The following RANBP2 variants were observed in gnomAD, a reference collection of about 807,000 sequenced individuals.
RANBP2 encodes E3 SUMO-protein ligase RanBP2.
In RANBP2, 57 loss-of-function variants were observed where a neutral mutation model predicts 303.6. That is an observed-to-expected ratio of 0.19 (90% CI 0.15 to 0.23). RANBP2 has a LOEUF of 0.23. RANBP2 is among the 10% of genes least tolerant of loss of function. The pLI, the probability that RANBP2 is intolerant of heterozygous loss-of-function variation, is 1.00. For synonymous variants in RANBP2, 1,167 were observed against 1,301.5 expected, an observed-to-expected ratio of 0.90 and a Z score of 2.23; for missense variants, 3,138 against 3,780.8, an observed-to-expected ratio of 0.83 and a Z score of 4.46.
the RANBP2 span, among the ~76,000 whole-genome samples, chr2:109,584,969 GA>G: frequency 6.6e-6 from 1 of 152,090 alleles, no homozygotes; most frequent in Admixed American, 6.5e-5. Context: ...GTGCTAATAA[GA>G]ACAAAATATT....
chr2:108,805,150 C>A, the RANBP2 span: 1 of 406,754 alleles, frequency 2.5e-6, no homozygotes, highest in South Asian at 1.2e-4. Flanking sequence ...TAAAATACTT[C>A]CAAATGTAAA....
the RANBP2 span, among the ~76,000 whole-genome samples, chr2:109,211,194 GGCT>G: frequency 2.0e-5 from 3 of 152,180 alleles, no homozygotes; most frequent in Non-Finnish European, 2.9e-5. Flanking sequence ...AGCAGGTGGG[GGCT>G]GCTCCTTGGC....
the RANBP2 span, among the ~76,000 whole-genome samples, chr2:109,281,688 C>G: frequency 6.6e-6 from 1 of 152,124 alleles, no homozygotes; most frequent in Non-Finnish European, 1.5e-5. Context: ...TTCTTAGATT[C>G]AGGGTAGAGG....
chr2:109,107,167 C>T, the RANBP2 span, among the ~76,000 whole-genome samples: 1 of 151,688 alleles, frequency 6.6e-6, no homozygotes, highest in Non-Finnish European at 1.5e-5. Flanking sequence ...GACTTGAACT[C>T]CTGACCTCAG....
the RANBP2 span, chr2:109,585,270 T>C: frequency 6.2e-7 from 1 of 1,612,552 alleles, no homozygotes; most frequent in Non-Finnish European, 8.5e-7. Flanking sequence ...GTCTTCAAAA[T>C]TAGTATTAAA....
At chr2:108,773,995 A>G (rs1305183041) in intron 23 of RANBP2, among the ~76,000 whole-genome samples, 1 of 152,206 alleles carries the variant, frequency 6.6e-6, no homozygotes, top group African/African-American at 2.4e-5. Context: ...TTTCTATGGT[A>G]AGAAAAGATT....
the RANBP2 span, among the ~76,000 whole-genome samples, chr2:109,008,787 A>C: frequency 6.6e-6 from 1 of 151,760 alleles, no homozygotes; most frequent in Non-Finnish European, 1.5e-5. Context: ...CTGTAGTCCC[A>C]GCTACTCAAG....
In RANBP2 at chr2:108,725,864, A is replaced by AT. The variant is rs539801459; in HGVS notation, c.73-3266dup. 1.6e-4 allele frequency among the ~76,000 whole-genome samples: 25 copies of AT among 151,530 alleles called. No individual in the cohort carries two copies. The East Asian group carries it at 4.7e-3, about 28-fold the overall frequency. On this transcript the variant is annotated intron_variant, in intron 1 of 28. Coordinates refer to ENST00000283195, the MANE Select transcript of RANBP2 (RefSeq NM_006267.5). Reference sequence around the variant, plus strand: ...GGCTTGCTCTGTCGCCAGTGCTGGGATTGCAGGTGTTAGCCTGGCATTGAG... The same window carrying AT: ...GGCTTGCTCTGTCGCCAGTGCTGGGATTTGCAGGTGTTAGCCTGGCATTGAG...
the RANBP2 span, among the ~76,000 whole-genome samples, chr2:109,425,363 G>A: frequency 2.0e-5 from 3 of 151,892 alleles, no homozygotes; most frequent in Non-Finnish European, 2.9e-5. Context: ...TGAAGGTGGC[G>A]ACACTAAACA....
the RANBP2 span, among the ~76,000 whole-genome samples, chr2:109,132,839 G>C: frequency 1.4e-4 from 22 of 152,336 alleles, 1 homozygote; most frequent in South Asian, 2.3e-3. Context: ...AATTGTTTCA[G>C]TGCAGTGGGA....
chr2:108,871,479 A>G, the RANBP2 span, among the ~76,000 whole-genome samples: 3 of 151,782 alleles, frequency 2.0e-5, no homozygotes, highest in Non-Finnish European at 2.9e-5. Context: ...TTGAACCCAG[A>G]GGGAGGAGGC....
the RANBP2 span, among the ~76,000 whole-genome samples, chr2:109,524,931 G>A: frequency 5.3e-5 from 8 of 152,128 alleles, no homozygotes; most frequent in East Asian, 1.2e-3. Flanking sequence ...CCTCCTCGGC[G>A]CAGATCTTCA....
the RANBP2 span, among the ~76,000 whole-genome samples, chr2:109,035,462 C>A: frequency 6.6e-6 from 1 of 151,988 alleles, no homozygotes; most frequent in East Asian, 1.9e-4. Context: ...AGGTGTGAGT[C>A]CTTGGATTTC....
intron 3 of RANBP2, 92 bp from the exon 4 acceptor site, chr2:108,731,230 A>G: frequency 6.6e-7 from 1 of 1,512,882 alleles, no homozygotes; most frequent in Non-Finnish European, 8.8e-7. Flanking sequence ...GGTTGGAGTG[A>G]TAATTTTTTA....
At chr2:108,721,822 G>T (rs57894922) in intron 1 of RANBP2, among the ~76,000 whole-genome samples, 1 of 152,110 alleles carries the variant, frequency 6.6e-6, no homozygotes, top group Non-Finnish European at 1.5e-5. Flanking sequence ...GCTCACTGCA[G>T]CGTTGACGTC....
At chr2:108,848,229 TTC>T in the RANBP2 span, among the ~76,000 whole-genome samples, 4 of 152,348 alleles carry the variant, frequency 2.6e-5, no homozygotes, top group South Asian at 8.3e-4. Flanking sequence ...TAATGTTCAT[TTC>T]TGATAATATG....
chr2:109,252,174 G>C, the RANBP2 span, among the ~76,000 whole-genome samples: 1 of 151,970 alleles, frequency 6.6e-6, no homozygotes, highest in Admixed American at 6.6e-5. Flanking sequence ...CTTAAGCCTG[G>C]GAGGCAGAGG....
the RANBP2 span, chr2:109,398,820 C>G: frequency 6.2e-7 from 1 of 1,613,898 alleles, no homozygotes; most frequent in Non-Finnish European, 8.5e-7. Flanking sequence ...ACAGATCCTC[C>G]CAGGCTGCCA....
chr2:109,333,104 C>T, the RANBP2 span, among the ~76,000 whole-genome samples: 2 of 152,202 alleles, frequency 1.3e-5, no homozygotes, highest in Non-Finnish European at 2.9e-5. Flanking sequence ...CAGTGCGTTC[C>T]AGGAGAGACC....
Sources: allele counts gnomAD v4.1 joint callset (sites outside exome capture counted in the v4.1 genomes callset), GRCh38; gene constraint gnomAD v4.1.1; transcripts MANE v1.5; gene names NCBI Gene and HGNC (gene_info 2026-07-23, HGNC 2026-07-21).